The following DDX1 variants were observed in gnomAD, a reference collection of about 807,000 sequenced individuals.
DDX1 encodes the protein DEAD-box helicase 1.
In DDX1, 28 loss-of-function variants were observed where a neutral mutation model predicts 108.7. That is an observed-to-expected ratio of 0.26 (90% CI 0.19 to 0.35). The LOEUF (loss-of-function observed/expected upper bound fraction) is 0.35. DDX1 is among the 10% of genes least tolerant of loss of function. DDX1 has a pLI of 1.00. For missense variants in DDX1, 710 were observed against 884.5 expected (o/e 0.80, Z 2.50); for synonymous variants, 295 against 288.9 (o/e 1.02, Z -0.21).
chr2:15,621,282 A>G, intron 18 of DDX1, 166 bp downstream of exon 18: 1 of 603,936 alleles, frequency 1.7e-6, no homozygotes, highest in Non-Finnish European at 2.9e-6. Flanking sequence ...ATACTAGTCA[A>G]CTTAGAGGAA....
At position 15,620,198 on chromosome 2, in the gene DDX1, C is replaced by T. The variant is rs773868156; in HGVS notation, c.1207-10C>T. On this transcript the variant is annotated splice_polypyrimidine_tract_variant and intron_variant, in intron 16 of 25. Transcript: ENST00000233084. ...AAAGTTCATCTCAATTTGGGGTTTC[C>T]TCTTCTTAGGTGATTGTTTGCTCTG... 6 of 1,603,638 alleles carry T rather than the reference C, an allele frequency of 3.7e-6. No individual in the cohort carries two copies. The highest frequency in any genetic ancestry group is 1.8e-5 in the Admixed American group (1 of 56,660).
chr2:15,623,080 A>T (rs1477988501), intron 18 of DDX1, among the ~76,000 whole-genome samples: 1 of 152,206 alleles, frequency 6.6e-6, no homozygotes, highest in Non-Finnish European at 1.5e-5. Context: ...AAGTTCATGC[A>T]AGGCAGAATA....
At chr2:15,596,270 A>C (rs1425382240) in intron 3 of DDX1, among the ~76,000 whole-genome samples, 1 of 152,226 alleles carries the variant, frequency 6.6e-6, no homozygotes, top group African/African-American at 2.4e-5. Context: ...TGACCCTGGA[A>C]TATTTCAGTT....
intron 19 of DDX1, 65 bp from the exon 20 acceptor site, chr2:15,626,989 G>T (rs980138906): frequency 9.8e-6 from 10 of 1,019,600 alleles, no homozygotes; most frequent in Non-Finnish European, 1.5e-5. Flanking sequence ...AATTTTATTG[G>T]CTTTTTTACA....
chr2:15,625,224 A>T lies in DDX1; in HGVS notation c.1594+1642A>T, dbSNP rs533612301. ...CTTACTCAAGAATATACACTGTATC[A>T]ATCTATTTATATGACATTTTTAAAA... On this transcript the variant is annotated intron_variant, in intron 19 of 25. Coordinates refer to ENST00000233084, the MANE Select transcript of DDX1 (RefSeq NM_004939.3). 2.4e-3 allele frequency among the ~76,000 whole-genome samples: 356 copies of T among 147,636 alleles called. 2 individuals are homozygous for T. The highest frequency in any genetic ancestry group is 2.8e-3 in the Non-Finnish European group (186 of 65,528).
intron 16 of DDX1, among the ~76,000 whole-genome samples, chr2:15,619,994 A>C (rs1295214198): frequency 6.6e-6 from 1 of 152,194 alleles, no homozygotes; most frequent in Non-Finnish European, 1.5e-5. Context: ...CGTGAGGAAG[A>C]GATGGCATGA....
Position 15,595,211 on chromosome 2 carries a change from C to A in DDX1, c.68+15C>A. ...ATGGATTGGCTGTAAGTACATAAAG[C>A]CTAAATGTACCTGGGAGAGGATGTT... is the stretch of plus-strand genomic sequence containing the variant. On this transcript the variant is annotated intron_variant, in intron 2 of 25. Transcript: ENST00000233084. The A allele has an allele frequency of 1.3e-6, 2 of 1,577,488 alleles. No individual in the cohort carries two copies. Among genetic ancestry groups the A allele is most frequent in the South Asian group, 2.3e-5 (2 of 88,116 alleles).
chr2:15,627,267 C>T, intron 20 of DDX1, 122 bp downstream of exon 20: 1 of 558,420 alleles, frequency 1.8e-6, no homozygotes, highest in Non-Finnish European at 3.1e-6. Flanking sequence ...ATGTTTCTAC[C>T]CTAACTAATG....
rs754009486 is a variant in DDX1, at chr2:15,607,318, A to C, written c.956+5A>C. 1.2e-6 allele frequency: 2 copies of C among 1,611,950 alleles called. No individual in the cohort carries two copies. Among genetic ancestry groups the C allele is most frequent in the African/African-American group, 2.7e-5 (2 of 74,870 alleles). On this transcript the variant is annotated splice_donor_5th_base_variant and intron_variant, in intron 13 of 25. Coordinates refer to ENST00000233084, the MANE Select transcript of DDX1 (RefSeq NM_004939.3). ...CATTGATAATCCTAAATTAAGGTAA[A>C]TCTTCCTTTTGTGCTGAAATGCTTA...
Position 15,630,762 on chromosome 2 carries a change from TGTG to T in DDX1, c.2093-13_2093-11del. 6.2e-7 allele frequency: 1 copy of T among 1,607,630 alleles called. No individual in the cohort carries two copies. Among genetic ancestry groups the T allele is most frequent in the Non-Finnish European group, 8.5e-7 (1 of 1,175,300 alleles). On this transcript the variant is annotated splice_polypyrimidine_tract_variant and intron_variant, in intron 25 of 25. Coordinates refer to ENST00000233084, the MANE Select transcript of DDX1 (RefSeq NM_004939.3). The stretch of plus-strand genomic sequence containing the variant: ...ATGTCATTTACATTACTTTGTTATT[TGTG>T]TGTGATGCAGGTGGAAGCTATAAAG...
intron 16 of DDX1, 91 bp from the exon 17 acceptor site, chr2:15,620,117 C>A: frequency 1.7e-6 from 2 of 1,183,244 alleles, no homozygotes; most frequent in Non-Finnish European, 2.5e-6. Flanking sequence ...GGAGTCTAGG[C>A]TAGCACACTT....
chr2:15,593,795 C>T (rs1287106352), intron 1 of DDX1, among the ~76,000 whole-genome samples: 1 of 151,438 alleles, frequency 6.6e-6, no homozygotes, highest in Non-Finnish European at 1.5e-5. Flanking sequence ...CTAGGAAAGT[C>T]GCCAGGTGCA....
At chr2:15,610,967 G>A (rs1665742404) in intron 13 of DDX1, among the ~76,000 whole-genome samples, 1 of 150,034 alleles carries the variant, frequency 6.7e-6, no homozygotes, top group Non-Finnish European at 1.5e-5. Flanking sequence ...CAATAGTGGA[G>A]GGAAGGTCAG....
At chr2:15,615,736 A>AC (rs1316357261) in intron 14 of DDX1, among the ~76,000 whole-genome samples, 1 of 152,212 alleles carries the variant, frequency 6.6e-6, no homozygotes, top group East Asian at 1.9e-4. Flanking sequence ...TACAGGGTGG[A>AC]GAAAACAGGT....
chr2:15,599,373 C>G (rs1017542022), intron 5 of DDX1, among the ~76,000 whole-genome samples: 6 of 151,684 alleles, frequency 4.0e-5, no homozygotes, highest in Admixed American at 1.3e-4. Flanking sequence ...GTGGCTCGAT[C>G]TCTGCTCACT....
chr2:15,620,140 C>A, intron 16 of DDX1, 68 bp from the exon 17 acceptor site: 1 of 1,357,668 alleles, frequency 7.4e-7, no homozygotes, highest in Non-Finnish European at 1.0e-6. Context: ...TGTTTCATAT[C>A]AGTGTTTGTG....
At chr2:15,613,391 A>G (rs941382710) in intron 14 of DDX1, 107 bp downstream of exon 14, 200 of 645,840 alleles carry the variant, frequency 3.1e-4, no homozygotes, top group South Asian at 2.0e-4. Flanking sequence ...AATTAGAGCA[A>G]GGTCAGAGGA....
chr2:15,599,083 G>A (rs771210012), intron 5 of DDX1: 7 of 152,140 alleles, frequency 4.6e-5, no homozygotes, highest in Non-Finnish European at 1.5e-5. Flanking sequence ...CTGATAGAGA[G>A]CACACTGAAG....
chr2:15,603,143 G>T, intron 7 of DDX1, 49 bp from the exon 8 acceptor site: 2 of 1,258,334 alleles, frequency 1.6e-6, no homozygotes, highest in East Asian at 4.6e-5. Context: ...CATGGTAAAT[G>T]AATCGTGTGT....
Sources: gnomAD v4.1 joint callset for allele counts (sites outside exome capture counted in the v4.1 genomes callset) on GRCh38, gnomAD v4.1.1 for gene constraint, MANE v1.5 for transcripts, NCBI Gene and HGNC (gene_info 2026-07-23, HGNC 2026-07-21) for gene names.